The following LITAF variants were observed in gnomAD, a reference collection of about 807,000 sequenced individuals.
LITAF encodes lipopolysaccharide induced TNF factor, also known as lipopolysaccharide-induced tumor necrosis factor-alpha factor.
LITAF carries 9 observed loss-of-function variants against 14.5 expected under a neutral mutation model. The ratio of observed to expected loss-of-function variants is 0.62; its 90% CI spans 0.37 to 1.08. LITAF has a LOEUF of 1.08. Ranked by LOEUF, LITAF falls within the 50% of genes least tolerant of loss-of-function variation. The pLI, the probability that LITAF is intolerant of heterozygous loss-of-function variation, is 0.01. For synonymous variants in LITAF, 98 were observed against 88.2 expected (o/e 1.11, Z -0.62); for missense variants, 206 against 213.4 (o/e 0.97, Z 0.22).
chr16:11,581,539 C>T (rs2064734838), intron 1 of LITAF, among the ~76,000 whole-genome samples: 1 of 151,950 alleles, frequency 6.6e-6, no homozygotes. Flanking sequence ...GGCTTGAGCT[C>T]GAGAGGGAGG....
chr16:11,603,551 G>A (rs1053731018), intron 3 of LITAF, among the ~76,000 whole-genome samples: 12 of 152,190 alleles, frequency 7.9e-5, no homozygotes, highest in South Asian at 2.1e-4. Flanking sequence ...GTTTTAGCCT[G>A]GGAATGGCTG....
intron 1 of LITAF, among the ~76,000 whole-genome samples, chr16:11,576,322 A>G (rs904074472): frequency 8.6e-5 from 13 of 152,044 alleles, no homozygotes; most frequent in African/African-American, 3.1e-4. Context: ...TCCAAAAATT[A>G]GCTGGGCAAG....
chr16:11,579,453 G>A lies in LITAF; in HGVS notation c.-6+7433C>T, dbSNP rs187041350. Among the ~76,000 whole-genome samples the A allele has an allele frequency of 4.9e-3, 515 of 104,846 alleles. 31 individuals are homozygous for A. Among genetic ancestry groups the A allele is most frequent in the African/African-American group, 9.4e-3 (295 of 31,428 alleles). 68.8% of individuals were successfully genotyped at this position (104,846 alleles called of 152,430 possible). A position where few individuals can be genotyped will look rare whatever the true frequency, so the allele number is the denominator to read the frequency against. On this transcript the variant is annotated intron_variant, in intron 1 of 3. Coordinates refer to ENST00000622633, the MANE Select transcript of LITAF (RefSeq NM_001136472.2). ...GGCCTGGGCGACAGAGCGAGACTCCGTCTCAAAAAATAAAATAAAATAAAA... is the reference window on the plus strand; with the variant it reads ...GGCCTGGGCGACAGAGCGAGACTCCATCTCAAAAAATAAAATAAAATAAAA...
At chr16:11,608,363 AAGGGG>A (rs1421268700) in intron 3 of LITAF, among the ~76,000 whole-genome samples, 2 of 152,188 alleles carry the variant, frequency 1.3e-5, no homozygotes, top group African/African-American at 4.8e-5. Flanking sequence ...GGTGTGGGGA[AAGGGG>A]AGGGGAGTTC....
Position 11,585,660 on chromosome 16 carries a change from G to C in LITAF, c.-6+1226C>G, listed in dbSNP as rs1278351324. 2.0e-5 allele frequency among the ~76,000 whole-genome samples: 3 copies of C among 152,308 alleles called. No individual in the cohort carries two copies. The East Asian group carries it at 5.8e-4, about 29-fold the overall frequency. On this transcript the variant is annotated intron_variant, in intron 1 of 3. Transcript: ENST00000622633. ...GAGTCACTCTGAGAAGGCAGGGGGT[G>C]AGAGGGCAGATGAAGCAGCCAAGCA... is the stretch of plus-strand genomic sequence containing the variant.
intron 1 of LITAF, among the ~76,000 whole-genome samples, chr16:11,577,429 T>C (rs1406724581): frequency 6.7e-6 from 1 of 150,164 alleles, no homozygotes; most frequent in African/African-American, 2.5e-5. Flanking sequence ...GCAATTGTCC[T>C]GCCTCAGCCT....
At chr16:11,602,243 A>G (rs1412996995), upstream of LITAF, among the ~76,000 whole-genome samples, 2 of 152,188 alleles carry the variant, frequency 1.3e-5, no homozygotes, top group African/African-American at 4.8e-5. Flanking sequence ...CTGTAGTCCC[A>G]GCTACTTGGG....
chr16:11,576,554 A>AAAAAAAAAAAAAAAAAAAAAGAC (rs1555469756), intron 1 of LITAF, among the ~76,000 whole-genome samples: 4 of 116,656 alleles, frequency 3.4e-5, no homozygotes, highest in African/African-American at 1.3e-4. Flanking sequence ...AAAAAAAAAA[A>AAAAAAAAAAAAAAAAAAAAAGAC]AGAGAGAGAG....
At chr16:11,625,044 T>C (rs1486926210) in intron 3 of LITAF, among the ~76,000 whole-genome samples, 3 of 151,956 alleles carry the variant, frequency 2.0e-5, no homozygotes, top group Non-Finnish European at 4.4e-5. Flanking sequence ...CCCAGGAAGG[T>C]GAGACAAACT....
rs1314610799 is a variant in LITAF at position 11,548,895 on chromosome 16, T to C, written c.*742A>G. ...AAAAACTGTTCATATAATTACTCTA[T>C]GAGAAAAAAATCCCTGTATGGAAAG... On this transcript the variant is annotated 3_prime_UTR_variant, in exon 4 of 4. Transcript: ENST00000622633. The C allele has an allele frequency of 2.2e-6, 1 of 453,582 alleles. No homozygotes were observed. Among genetic ancestry groups the C allele is most frequent in the Non-Finnish European group, 4.4e-6 (1 of 226,732 alleles). 28.1% of individuals were successfully genotyped at this position (453,582 alleles called of 1,614,324 possible). A position where few individuals can be genotyped will look rare whatever the true frequency, so the allele number is the denominator to read the frequency against.
chr16:11,631,829 A>G (rs1003284396), intron 3 of LITAF, among the ~76,000 whole-genome samples: 1 of 151,396 alleles, frequency 6.6e-6, no homozygotes, highest in Non-Finnish European at 1.5e-5. Context: ...TGACATCTGC[A>G]AAGACCCTAT....
At chr16:11,599,369 C>T (rs1231897200), upstream of LITAF, among the ~76,000 whole-genome samples, 1 of 152,136 alleles carries the variant, frequency 6.6e-6, no homozygotes, top group Non-Finnish European at 1.5e-5. Context: ...CCACCCACCT[C>T]GGACTGCCAA....
At chr16:11,583,836 G>T (rs1268836271) in intron 1 of LITAF, among the ~76,000 whole-genome samples, 1 of 152,178 alleles carries the variant, frequency 6.6e-6, no homozygotes, top group African/African-American at 2.4e-5. Context: ...CTACTGCGAG[G>T]TGAGCAGAGA....
chr16:11,603,469 AG>A (rs2064938928), upstream of LITAF, among the ~76,000 whole-genome samples: 1 of 152,244 alleles, frequency 6.6e-6, no homozygotes, highest in South Asian at 2.1e-4. Context: ...CCAGAAATCC[AG>A]GGGAACATCC....
intron 2 of LITAF, chr16:11,635,683 C>T (rs2065135369): frequency 6.6e-6 from 1 of 152,290 alleles, no homozygotes; most frequent in Non-Finnish European, 1.5e-5. Context: ...CAAACTGCAA[C>T]AGCTCCCACC....
Position 11,548,803 on chromosome 16 carries a change from C to T in LITAF, c.*834G>A, listed in dbSNP as rs910032238. On this transcript the variant is annotated 3_prime_UTR_variant, in exon 4 of 4. Transcript: ENST00000622633. ...CCAGCCTGGGCAACATAGTAAGACC[C>T]CATCTCTGTTTTTTTTTAAAAAAAA... 1.3e-5 allele frequency: 6 copies of T among 453,296 alleles called. No homozygotes were observed. The highest frequency in any genetic ancestry group is 8.0e-5 in the African/African-American group (4 of 49,950). 28.1% of individuals were successfully genotyped at this position (453,296 alleles called of 1,614,324 possible). A position where few individuals can be genotyped will look rare whatever the true frequency, so the allele number is the denominator to read the frequency against.
At chr16:11,626,209 G>A (rs923029825) in intron 3 of LITAF, among the ~76,000 whole-genome samples, 2 of 151,978 alleles carry the variant, frequency 1.3e-5, no homozygotes, top group Admixed American at 6.6e-5. Flanking sequence ...TTTTTATACA[G>A]TGAGTCAGAG....
At chr16:11,616,348 G>A (rs1355205223) in intron 3 of LITAF, among the ~76,000 whole-genome samples, 2 of 151,926 alleles carry the variant, frequency 1.3e-5, no homozygotes, top group Non-Finnish European at 2.9e-5. Flanking sequence ...ATGGTAGCAC[G>A]TGACTGTGTT....
At chr16:11,581,771 G>C (rs1329444005) in intron 1 of LITAF, among the ~76,000 whole-genome samples, 1 of 152,106 alleles carries the variant, frequency 6.6e-6, no homozygotes, top group Non-Finnish European at 1.5e-5. Flanking sequence ...AAAAGAACAG[G>C]TTTTAAAGGA....
Sources: allele counts gnomAD v4.1 joint callset (sites outside exome capture counted in the v4.1 genomes callset), GRCh38; gene constraint gnomAD v4.1.1; transcripts MANE v1.5; gene names NCBI Gene and HGNC (gene_info 2026-07-23, HGNC 2026-07-21).